CRTC3: variants seen among roughly 807,000 people sequenced by gnomAD.
CRTC3 encodes the protein CREB-regulated transcription coactivator 3.
Under a neutral mutation model 74.5 loss-of-function variants are expected in CRTC3, and 26 were observed. The observed-to-expected ratio is 0.35, with a 90% CI of 0.26 to 0.48. The LOEUF is 0.48. CRTC3 is among the 20% of genes least tolerant of loss of function. The pLI is 0.99. For synonymous variants in CRTC3, 377 were observed against 325.8 expected, an observed-to-expected ratio of 1.16 and a Z score of -1.69; for missense variants, 760 against 787.3, an observed-to-expected ratio of 0.97 and a Z score of 0.41.
At chr15:90,612,025 C>CCCCCCT (rs1270789098) in intron 6 of CRTC3, among the ~76,000 whole-genome samples, 5 of 76,590 alleles carry the variant, frequency 6.5e-5, no homozygotes, top group Admixed American at 1.3e-4. Context: ...AACCACCCCC[C>CCCCCCT]ACTCCTCCTC....
rs1300673557 is a variant in CRTC3 at position 90,642,207 on chromosome 15, C to T, written c.*67C>T. 1 of 1,348,064 alleles carries T rather than the reference C, an allele frequency of 7.4e-7. No homozygotes were observed. Among genetic ancestry groups the T allele is most frequent in the East Asian group, 2.3e-5 (1 of 43,424 alleles). The allele number at this position is 1,348,064 out of a possible 1,614,324, so 83.5% of individuals were successfully genotyped here. A position where few individuals can be genotyped will look rare whatever the true frequency, so the allele number is the denominator to read the frequency against. The stretch of plus-strand genomic sequence containing the variant: ...CAAAATAGAATGGAATAGAATGAAG[C>T]CAGCTGATACCACGGGCTTTCGTTA... On this transcript the variant is annotated 3_prime_UTR_variant, in exon 15 of 15. Transcript: ENST00000268184.
At chr15:90,549,181 T>G (rs1462005802) in intron 2 of CRTC3, among the ~76,000 whole-genome samples, 4 of 152,204 alleles carry the variant, frequency 2.6e-5, no homozygotes, top group Non-Finnish European at 4.4e-5. Flanking sequence ...GTTCAATGGT[T>G]TTCAGAAACA....
intron 11 of CRTC3, among the ~76,000 whole-genome samples, chr15:90,633,067 C>G (rs979482997): frequency 6.6e-6 from 1 of 151,914 alleles, no homozygotes; most frequent in Non-Finnish European, 1.5e-5. Flanking sequence ...TCCTACCCAC[C>G]CTCCTCATTT....
chr15:90,639,156 C>T (rs1277063082), intron 13 of CRTC3, among the ~76,000 whole-genome samples: 7 of 151,940 alleles, frequency 4.6e-5, no homozygotes, highest in East Asian at 1.9e-4. Flanking sequence ...GGGAGAGTGG[C>T]GCCTGCTCCC....
At chr15:90,553,932 T>C (rs1480606874) in intron 2 of CRTC3, among the ~76,000 whole-genome samples, 7 of 152,180 alleles carry the variant, frequency 4.6e-5, no homozygotes, top group African/African-American at 1.7e-4. Context: ...TGCCTTAAAA[T>C]ATTATGGCAG....
chr15:90,611,815 T>C (rs534004931), intron 6 of CRTC3, among the ~76,000 whole-genome samples: 388 of 152,264 alleles, frequency 2.5e-3, no homozygotes, highest in Non-Finnish European at 4.0e-3. Context: ...GCTTTCTCCT[T>C]TCAATCCACC....
At chr15:90,540,559 G>A (rs554848216) in intron 2 of CRTC3, among the ~76,000 whole-genome samples, 8 of 152,240 alleles carry the variant, frequency 5.3e-5, no homozygotes, top group African/African-American at 1.9e-4. Context: ...GATCACCTGA[G>A]GTCAGGAGTT....
rs150459854 is a variant in CRTC3 at position 90,551,994 on chromosome 15, C to A, written c.231+11857C>A. Among the ~76,000 whole-genome samples, 120 of 119,398 alleles carry A rather than the reference C, an allele frequency of 1.0e-3. 1 individual carries two copies. Among genetic ancestry groups the A allele is most frequent in the African/African-American group, 3.7e-3 (119 of 31,790 alleles). The allele number at this position is 119,398 out of a possible 152,430, so 78.3% of individuals were successfully genotyped here. A position where few individuals can be genotyped will look rare whatever the true frequency, so the allele number is the denominator to read the frequency against. On this transcript the variant is annotated intron_variant, in intron 2 of 14. Transcript: ENST00000268184. ...AATGTCTTCTAAAGGAACAGACTGA[C>A]CCTGTGAAGGTGTTGGGTGTCGTGG... is the stretch of plus-strand genomic sequence containing the variant.
chr15:90,541,810 G>A (rs567493666), intron 2 of CRTC3, among the ~76,000 whole-genome samples: 2 of 133,700 alleles, frequency 1.5e-5, no homozygotes, highest in Non-Finnish European at 3.2e-5. Flanking sequence ...TTTTGAGATG[G>A]AGTCTCACTC....
chr15:90,636,795 A>C (rs1407377663), intron 11 of CRTC3, among the ~76,000 whole-genome samples: 1 of 152,272 alleles, frequency 6.6e-6, no homozygotes, highest in African/African-American at 2.4e-5. Flanking sequence ...TAAAAGACAC[A>C]TGAAAAAATG....
At position 90,588,829 on chromosome 15, in the gene CRTC3, A is replaced by G. The variant is rs374711127; in HGVS notation, c.232-4807A>G. On this transcript the variant is annotated intron_variant, in intron 2 of 14. Coordinates refer to ENST00000268184, the MANE Select transcript of CRTC3 (RefSeq NM_022769.5). Reference sequence around the variant, plus strand: ...CTTCCCAGGGTTCCACCATGCAGACACTCATCCTCCTTTCCAATGTCCGGG... The same window carrying G: ...CTTCCCAGGGTTCCACCATGCAGACGCTCATCCTCCTTTCCAATGTCCGGG... 4.6e-5 allele frequency among the ~76,000 whole-genome samples: 7 copies of G among 152,152 alleles called. No homozygotes were observed. The South Asian group carries it at 1.5e-3, about 32-fold the overall frequency.
chr15:90,542,129 T>G (rs1966812757), intron 2 of CRTC3, among the ~76,000 whole-genome samples: 1 of 151,916 alleles, frequency 6.6e-6, no homozygotes, highest in South Asian at 2.1e-4. Flanking sequence ...TGTTTTGTTT[T>G]TCTTTGCAAC....
At chr15:90,598,535 T>TG in intron 3 of CRTC3, 1 of 701,960 alleles carries the variant, frequency 1.4e-6, no homozygotes, top group Non-Finnish European at 2.6e-6. Context: ...TGCAGAGGCT[T>TG]GGGGAGAGAG....
intron 4 of CRTC3, among the ~76,000 whole-genome samples, 197 bp downstream of exon 4, chr15:90,602,582 G>T (rs1968097649): frequency 6.6e-6 from 1 of 152,096 alleles, no homozygotes; most frequent in African/African-American, 2.4e-5. Flanking sequence ...GATGGGGCCT[G>T]TGAATAGCTA....
At chr15:90,636,707 GAAAA>G (rs558937371) in intron 11 of CRTC3, among the ~76,000 whole-genome samples, 1 of 151,502 alleles carries the variant, frequency 6.6e-6, no homozygotes, top group African/African-American at 2.4e-5. Context: ...AAATTTACAA[GAAAA>G]AAACAAACAA....
At chr15:90,593,362 C>T (rs1020608087) in intron 2 of CRTC3, among the ~76,000 whole-genome samples, 2 of 152,058 alleles carry the variant, frequency 1.3e-5, no homozygotes, top group African/African-American at 2.4e-5. Context: ...ATGAGTTCAC[C>T]GTCTTCTGAT....
chr15:90,563,039 C>T (rs188489915), intron 2 of CRTC3, among the ~76,000 whole-genome samples: 275 of 152,292 alleles, frequency 1.8e-3, no homozygotes, highest in Middle Eastern at 6.8e-3. Context: ...CGCTTTCTAC[C>T]AGTCCGTGCC....
Position 90,645,123 on chromosome 15 carries a change from C to G in CRTC3, c.*2983C>G. 1 of 230,158 alleles carries G rather than the reference C, an allele frequency of 4.3e-6. No homozygotes were observed. The highest frequency in any genetic ancestry group is 8.6e-6 in the Non-Finnish European group (1 of 115,958). The allele number at this position is 230,158 out of a possible 1,614,324, so 14.3% of individuals were successfully genotyped here. A position where few individuals can be genotyped will look rare whatever the true frequency, so the allele number is the denominator to read the frequency against. On this transcript the variant is annotated 3_prime_UTR_variant, in exon 15 of 15. Transcript: ENST00000268184. ...CCTTTCCTGTTCCCACTCTTGTTGG[C>G]TCTTCTGATTTATGCACAGATGGTT...
At chr15:90,552,743 A>G (rs543526766) in intron 2 of CRTC3, among the ~76,000 whole-genome samples, 2 of 152,316 alleles carry the variant, frequency 1.3e-5, no homozygotes, top group African/African-American at 4.8e-5. Flanking sequence ...GGGAGGCATG[A>G]GGCCTTGACC....
Sources: gnomAD v4.1 joint callset for allele counts (sites outside exome capture counted in the v4.1 genomes callset) on GRCh38, gnomAD v4.1.1 for gene constraint, MANE v1.5 for transcripts, NCBI Gene and HGNC (gene_info 2026-07-23, HGNC 2026-07-21) for gene names.